Variants in CCSER1 observed in about 807,000 individuals in gnomAD.
CCSER1 encodes the protein coiled-coil serine rich protein 1, also known as serine-rich coiled-coil domain-containing protein 1.
Under a neutral mutation model 82.0 loss-of-function variants are expected in CCSER1, and 41 were observed. The observed-to-expected ratio is 0.50, with a 90% CI of 0.39 to 0.65. CCSER1 has a LOEUF of 0.65. Ranked by LOEUF, CCSER1 falls within the 30% of genes least tolerant of loss-of-function variation. The pLI is 0.00. For missense variants in CCSER1, 1,119 were observed against 1,064.2 expected (o/e 1.05, Z -0.72); for synonymous variants, 414 against 383.9 (o/e 1.08, Z -0.92).
chr4:91,069,162 CA>C (rs568600378), intron 9 of CCSER1, among the ~76,000 whole-genome samples: 88 of 150,630 alleles, frequency 5.8e-4, no homozygotes, highest in Middle Eastern at 3.4e-3. Flanking sequence ...GACATCATCT[CA>C]AAAAAAATAA....
chr4:90,606,211 A>G (rs199761430), intron 5 of CCSER1, among the ~76,000 whole-genome samples: 12 of 142,072 alleles, frequency 8.4e-5, no homozygotes, highest in African/African-American at 1.1e-4. Flanking sequence ...CCTAGTTGTT[A>G]TTATACTGTC....
intron 8 of CCSER1, among the ~76,000 whole-genome samples, chr4:90,891,771 G>A (rs1723002436): frequency 6.6e-6 from 1 of 152,036 alleles, no homozygotes; most frequent in Admixed American, 6.6e-5. Context: ...TGAAAAAAGT[G>A]TAAGGTTAAC....
At chr4:90,159,819 A>G (rs1205317023) in intron 1 of CCSER1, among the ~76,000 whole-genome samples, 1 of 152,196 alleles carries the variant, frequency 6.6e-6, no homozygotes, top group Non-Finnish European at 1.5e-5. Context: ...CATAATAGTA[A>G]ATAGTGCCTA....
chr4:91,025,783 G>T (rs139900249), intron 9 of CCSER1, among the ~76,000 whole-genome samples: 343 of 152,212 alleles, frequency 2.3e-3, no homozygotes, highest in African/African-American at 6.9e-3. Flanking sequence ...AGGTAATCAT[G>T]TGTATTAAAG....
rs559504164 is a variant in CCSER1 at position 90,321,558 on chromosome 4, C to A, written c.1509+8511C>A. Among the ~76,000 whole-genome samples the A allele has an allele frequency of 5.3e-5, 8 of 152,198 alleles. No individual in the cohort carries two copies. The South Asian group carries it at 1.7e-3, about 32-fold the overall frequency. On this transcript the variant is annotated intron_variant, in intron 3 of 10. Coordinates refer to ENST00000509176, the MANE Select transcript of CCSER1 (RefSeq NM_001145065.2). Reference sequence around the variant, plus strand: ...AGATATCTCTTTGATATATTAATTTCTTTTTTCCGAGTGCATACTTAGCAG... The same window carrying A: ...AGATATCTCTTTGATATATTAATTTATTTTTTCCGAGTGCATACTTAGCAG...
At chr4:90,190,285 A>T (rs2153395595) in intron 1 of CCSER1, among the ~76,000 whole-genome samples, 1 of 152,230 alleles carries the variant, frequency 6.6e-6, no homozygotes, top group South Asian at 2.1e-4. Context: ...TGAAAAGTAT[A>T]ATCTGCTCTG....
intron 10 of CCSER1, among the ~76,000 whole-genome samples, chr4:91,242,786 A>G (rs1739471256): frequency 6.6e-6 from 1 of 152,224 alleles, no homozygotes; most frequent in Non-Finnish European, 1.5e-5. Context: ...AGAACTCTTA[A>G]AACTCAAGAA....
At chr4:90,184,897 A>G (rs140920521) in intron 1 of CCSER1, among the ~76,000 whole-genome samples, 1 of 152,238 alleles carries the variant, frequency 6.6e-6, no homozygotes, top group African/African-American at 2.4e-5. Context: ...CTGCAGTTCT[A>G]GATTTTCTAC....
At position 90,127,567 on chromosome 4, in the gene CCSER1, T is replaced by A. The variant is rs1335578125; in HGVS notation, c.-306T>A. On this transcript the variant is annotated 5_prime_UTR_variant, in exon 1 of 11. Transcript: ENST00000509176. ...CGCCGACCTACTGCCAATCCGCCTC[T>A]CCTCTCTCTCTCTCTCTGTCTCAAC... The A allele has an allele frequency of 6.6e-6, 1 of 152,532 alleles. No individual in the cohort carries two copies. Among genetic ancestry groups the A allele is most frequent in the Non-Finnish European group, 1.5e-5 (1 of 68,454 alleles). The allele number at this position is 152,532 out of a possible 1,614,324, so 9.4% of individuals were successfully genotyped here.
chr4:90,904,574 T>C (rs547918682), intron 8 of CCSER1, among the ~76,000 whole-genome samples: 103 of 152,312 alleles, frequency 6.8e-4, no homozygotes, highest in African/African-American at 2.4e-3. Context: ...GATCATATTA[T>C]AATGCCTGAA....
intron 9 of CCSER1, among the ~76,000 whole-genome samples, chr4:91,033,707 G>C (rs1531405): frequency 0.83 from 125,526 of 152,136 alleles, 52,787 homozygotes; most frequent in East Asian, 0.91. Context: ...GCAATCTGTT[G>C]TAATAGCTTA....
intron 4 of CCSER1, among the ~76,000 whole-genome samples, chr4:90,428,393 G>A (rs532473454): frequency 1.3e-5 from 2 of 151,952 alleles, no homozygotes; most frequent in Admixed American, 6.6e-5. Context: ...AGAAATCCAT[G>A]TATAACTTCT....
intron 1 of CCSER1, among the ~76,000 whole-genome samples, chr4:90,146,760 G>C (rs1578184427): frequency 6.6e-6 from 1 of 151,988 alleles, no homozygotes; most frequent in African/African-American, 2.4e-5. Flanking sequence ...TTCACTAGAA[G>C]ATGATCAATT....
chr4:90,695,337 A>C (rs1736815217), intron 6 of CCSER1, among the ~76,000 whole-genome samples: 1 of 151,970 alleles, frequency 6.6e-6, no homozygotes, highest in Admixed American at 6.6e-5. Flanking sequence ...TTGGAGAATT[A>C]ATGTAAAAAC....
At chr4:90,398,825 T>C (rs1752399507) in intron 3 of CCSER1, among the ~76,000 whole-genome samples, 1 of 152,162 alleles carries the variant, frequency 6.6e-6, no homozygotes, top group Non-Finnish European at 1.5e-5. Flanking sequence ...ATGTGCACTA[T>C]TCATGGATCC....
intron 7 of CCSER1, among the ~76,000 whole-genome samples, chr4:90,787,720 C>T (rs1754707029): frequency 6.6e-6 from 1 of 152,124 alleles, no homozygotes; most frequent in South Asian, 2.1e-4. Context: ...TGTATGTCTC[C>T]ATGAACTTCA....
At chr4:91,362,066 G>A (rs1024043597) in intron 10 of CCSER1, among the ~76,000 whole-genome samples, 7 of 151,812 alleles carry the variant, frequency 4.6e-5, no homozygotes, top group African/African-American at 1.7e-4. Flanking sequence ...CTGCACGGAA[G>A]GGACATATTT....
intron 8 of CCSER1, among the ~76,000 whole-genome samples, chr4:90,847,548 TC>T (rs1409978094): frequency 6.6e-6 from 1 of 152,202 alleles, no homozygotes. Flanking sequence ...TTAAAATCTT[TC>T]TTTAGTTCAT....
intron 1 of CCSER1, among the ~76,000 whole-genome samples, chr4:90,166,234 T>G (rs1730424380): frequency 6.6e-6 from 1 of 152,034 alleles, no homozygotes; most frequent in South Asian, 2.1e-4. Flanking sequence ...TGAGCATGTT[T>G]AGGTGTGCTT....
Sources: allele counts gnomAD v4.1 joint callset (sites outside exome capture counted in the v4.1 genomes callset), GRCh38; gene constraint gnomAD v4.1.1; transcripts MANE v1.5; gene names NCBI Gene and HGNC (gene_info 2026-07-23, HGNC 2026-07-21).